The following CSRNP3 variants were observed in gnomAD, a reference collection of about 807,000 sequenced individuals.
CSRNP3 encodes the protein cysteine/serine-rich nuclear protein 3.
A neutral mutation model predicts 48.0 loss-of-function variants in CSRNP3; 12 were observed. The ratio of observed to expected loss-of-function variants is 0.25; its 90% confidence interval spans 0.16 to 0.41. The LOEUF (loss-of-function observed/expected upper bound fraction) is 0.41. CSRNP3 is among the 10% of genes least tolerant of loss of function. The pLI is 1.00. For missense variants in CSRNP3, 580 were observed against 724.4 expected (o/e 0.80, Z 2.29); for synonymous variants, 263 against 269.7 (o/e 0.98, Z 0.24).
At chr2:165,541,380 G>A (rs1684955550) in intron 3 of CSRNP3, among the ~76,000 whole-genome samples, 1 of 151,926 alleles carries the variant, frequency 6.6e-6, no homozygotes, top group African/African-American at 2.4e-5. Flanking sequence ...GTCCCTCAGT[G>A]GCTCCTGAGC....
chr2:165,674,681 A>ATAT (rs1687390263), intron 5 of CSRNP3, among the ~76,000 whole-genome samples: 4 of 103,230 alleles, frequency 3.9e-5, no homozygotes, highest in Admixed American at 1.0e-4. Context: ...AATACTTCTG[A>ATAT]ATATATATAT....
At chr2:165,607,761 C>A (rs572833570) in intron 4 of CSRNP3, among the ~76,000 whole-genome samples, 2 of 152,210 alleles carry the variant, frequency 1.3e-5, no homozygotes, top group Admixed American at 6.5e-5. Context: ...GACTTCACTG[C>A]AAACTCATTC....
chr2:165,547,433 A>G (rs1033789875), intron 3 of CSRNP3, among the ~76,000 whole-genome samples: 1 of 152,126 alleles, frequency 6.6e-6, no homozygotes, highest in Non-Finnish European at 1.5e-5. Context: ...GTCCCTTGCC[A>G]ATACTGAATA....
chr2:165,647,639 CA>C (rs1558961174), intron 4 of CSRNP3, among the ~76,000 whole-genome samples: 2 of 152,148 alleles, frequency 1.3e-5, no homozygotes, highest in Non-Finnish European at 2.9e-5. Flanking sequence ...GTTGGACTTA[CA>C]TTTTTTGATT....
chr2:165,613,201 G>T (rs140083444), intron 4 of CSRNP3, among the ~76,000 whole-genome samples: 6 of 152,070 alleles, frequency 3.9e-5, no homozygotes, highest in Admixed American at 3.9e-4. Context: ...AATAATACTT[G>T]TTGGCTATTT....
intron 3 of CSRNP3, among the ~76,000 whole-genome samples, chr2:165,534,071 G>A (rs1477634884): frequency 6.6e-6 from 1 of 151,992 alleles, no homozygotes; most frequent in Non-Finnish European, 1.5e-5. Flanking sequence ...AAAATAAGAT[G>A]TATCCAGTGA....
At chr2:165,489,222 A>G (rs1448863624) in intron 1 of CSRNP3, among the ~76,000 whole-genome samples, 4 of 151,730 alleles carry the variant, frequency 2.6e-5, no homozygotes, top group Non-Finnish European at 4.4e-5. Flanking sequence ...TCCTCAACAC[A>G]TACACCCTCC....
At chr2:165,624,832 T>C (rs563730848) in intron 4 of CSRNP3, among the ~76,000 whole-genome samples, 2 of 152,178 alleles carry the variant, frequency 1.3e-5, no homozygotes, top group African/African-American at 2.4e-5. Flanking sequence ...CATTGTATTG[T>C]TCATCTCTAC....
intron 3 of CSRNP3, among the ~76,000 whole-genome samples, chr2:165,518,620 T>TAGAAGTTATAAATGTAGAC: frequency 6.6e-6 from 1 of 152,156 alleles, no homozygotes; most frequent in East Asian, 1.9e-4. Context: ...TAAATGTAGG[T>TAGAAGTTATAAATGTAGAC]TAAAGTGGTT....
intron 3 of CSRNP3, among the ~76,000 whole-genome samples, chr2:165,549,497 C>A (rs748370672): frequency 7.9e-5 from 12 of 151,998 alleles, no homozygotes; most frequent in Non-Finnish European, 1.6e-4. Context: ...CTCTTTTATA[C>A]CTCTAAGTAA....
chr2:165,613,965 G>A (rs768098348), intron 4 of CSRNP3, among the ~76,000 whole-genome samples: 19 of 151,724 alleles, frequency 1.3e-4, no homozygotes, highest in African/African-American at 3.1e-4. Flanking sequence ...TAGAGATTGC[G>A]TAGATTTGTA....
At chr2:165,625,376 C>G (rs1256348768) in intron 4 of CSRNP3, among the ~76,000 whole-genome samples, 1 of 151,430 alleles carries the variant, frequency 6.6e-6, no homozygotes, top group Admixed American at 6.6e-5. Flanking sequence ...CCTGTAATCC[C>G]AGCACTTTGG....
At position 165,559,584 on chromosome 2, in the gene CSRNP3, G is replaced by A. The variant is rs150511254; in HGVS notation, c.-23-35459G>A. Among the ~76,000 whole-genome samples the A allele has an allele frequency of 1.5e-3, 235 of 152,074 alleles. 2 individuals are homozygous for A. The highest frequency in any genetic ancestry group is 5.0e-3 in the African/African-American group (209 of 41,502). The stretch of plus-strand genomic sequence containing the variant: ...GAGTCATTCACAAGTAAAAGAAAAG[G>A]GATGTGTAATGAAACTAATAGTGGT... On this transcript the variant is annotated intron_variant, in intron 3 of 6. Transcript: ENST00000651982.
Position 165,556,553 on chromosome 2 carries a change from A to G in CSRNP3, c.-23-38490A>G, listed in dbSNP as rs140579184. Among the ~76,000 whole-genome samples the G allele has an allele frequency of 2.0e-5, 3 of 152,306 alleles. No individual in the cohort carries two copies. The East Asian group carries it at 5.8e-4, about 29-fold the overall frequency. ...TTGCAGGAGAGAAGGTTGGATGAAG[A>G]GGGACCTGCATGGCAACCAAGAATC... On this transcript the variant is annotated intron_variant, in intron 3 of 6. Coordinates refer to ENST00000651982, the MANE Select transcript of CSRNP3 (RefSeq NM_001172173.2).
chr2:165,490,567 A>G (rs1450869181), intron 1 of CSRNP3, among the ~76,000 whole-genome samples: 1 of 145,520 alleles, frequency 6.9e-6, no homozygotes, highest in Non-Finnish European at 1.5e-5. Context: ...GGCTACAGTA[A>G]CCAAAACAGC....
intron 4 of CSRNP3, among the ~76,000 whole-genome samples, chr2:165,602,775 T>A (rs887221589): frequency 1.3e-5 from 2 of 152,220 alleles, no homozygotes; most frequent in African/African-American, 4.8e-5. Flanking sequence ...CTAAGTTCTA[T>A]ACCTGCTACA....
chr2:165,580,860 T>G (rs1371580012), intron 3 of CSRNP3, among the ~76,000 whole-genome samples: 3 of 128,312 alleles, frequency 2.3e-5, no homozygotes, highest in Non-Finnish European at 5.3e-5. Flanking sequence ...TCCATGTGTG[T>G]TTTGTTTTTT....
chr2:165,598,062 T>G (rs1388373383), intron 4 of CSRNP3, among the ~76,000 whole-genome samples: 1 of 152,120 alleles, frequency 6.6e-6, no homozygotes, highest in African/African-American at 2.4e-5. Flanking sequence ...AGAGAATTTA[T>G]CTGAAGAGAG....
chr2:165,513,290 A>G (rs952344945), intron 2 of CSRNP3, among the ~76,000 whole-genome samples: 3 of 152,172 alleles, frequency 2.0e-5, no homozygotes, highest in Non-Finnish European at 4.4e-5. Context: ...CAATTGAACT[A>G]TTTCACTGAA....
Sources: gnomAD v4.1 joint callset for allele counts (sites outside exome capture counted in the v4.1 genomes callset) on GRCh38, gnomAD v4.1.1 for gene constraint, MANE v1.5 for transcripts, NCBI Gene and HGNC (gene_info 2026-07-23, HGNC 2026-07-21) for gene names.